Variants in OFD1 observed in about 807,000 individuals in gnomAD.
OFD1 encodes the protein centriole and centriolar satellite protein OFD1.
OFD1 carries 12 observed loss-of-function variants against 81.4 expected under a neutral mutation model. That is an observed-to-expected ratio of 0.15 (90% confidence interval 0.09 to 0.24). The LOEUF (loss-of-function observed/expected upper bound fraction) is 0.24, where lower values mean the gene tolerates loss of function less well. Among genes scored for constraint, OFD1 ranks in the 10% least tolerant of loss-of-function variants. The pLI is 1.00. For missense variants in OFD1, 685 were observed against 733.9 expected, an observed-to-expected ratio of 0.93 and a Z score of 0.77; for synonymous variants, 256 against 263.7, an observed-to-expected ratio of 0.97 and a Z score of 0.28.
intron 3 of OFD1, among the ~76,000 whole-genome samples, chrX:13,737,251 TG>T (rs1376863355): frequency 1.9e-5 from 2 of 104,973 alleles, no homozygotes; most frequent in Non-Finnish European, 3.9e-5. Context: ...TAAAAACACT[TG>T]TTTTTTTTTT....
intron 18 of OFD1, 96 bp downstream of exon 18, chrX:13,762,540 T>C (rs1159516473): frequency 3.7e-6 from 2 of 539,241 alleles, no homozygotes; most frequent in Non-Finnish European, 6.4e-6. Context: ...GAAAAGCAGT[T>C]ACAAATTGGG....
Position 13,755,217 on chromosome X carries a change from C to G in OFD1, c.1196C>G (p.Ser399Cys). 2 of 1,196,400 alleles carry G rather than the reference C, an allele frequency of 1.7e-6. No individual in the cohort carries two copies. The highest frequency in any genetic ancestry group is 3.5e-5 in the South Asian group (2 of 56,663). Reference sequence around the variant, plus strand: ...TCAAAAAAGGAGGAACTCAATCAATCTGTAAATCGTGTGAAAGAACTTGAG... The same window carrying G: ...TCAAAAAAGGAGGAACTCAATCAATGTGTAAATCGTGTGAAAGAACTTGAG... ...INSKKEELNQ[S>C]VNRVKELELE... Residue 399 changes from serine to cysteine, a missense_variant, in exon 12 of 23, where the codon TCT becomes TGT. Physicochemically the swap from Ser to Cys is moderately radical, Grantham distance 112 (BLOSUM62 -1). Coordinates refer to ENST00000340096, the MANE Select transcript of OFD1 (RefSeq NM_003611.3).
intron 19 of OFD1, among the ~76,000 whole-genome samples, chrX:13,764,440 TC>T: frequency 9.0e-6 from 1 of 111,621 alleles, no homozygotes; most frequent in Non-Finnish European, 1.9e-5. Flanking sequence ...CTGGCCCACT[TC>T]CTCTTTTTCC....
chrX:13,755,946 C>CTTTTT lies in OFD1; in HGVS notation c.1222-614_1222-610dup, dbSNP rs34300430. On this transcript the variant is annotated intron_variant, in intron 12 of 22. Transcript: ENST00000340096. ...ACAGAATCTTTTTTCCTTTCTTTCC[C>CTTTTT]TTTTTTTTTTTTTTTTTTTTTTGAG... Among the ~76,000 whole-genome samples the CTTTTT allele has an allele frequency of 2.7e-3, 174 of 65,037 alleles. 3 individuals carry two copies. The highest frequency in any genetic ancestry group is 3.5e-3 in the Non-Finnish European group (131 of 37,895). 56.5% of individuals were successfully genotyped at this position (65,037 alleles called of 115,157 possible).
Position 13,749,627 on chromosome X carries a change from G to T in OFD1, c.935+94G>T, listed in dbSNP as rs1463039199. Reference sequence around the variant, plus strand: ...TAAATATTCTAATGTTCATTGCCAAGTAGAGTTCTTATTTGTAAAGGGGAT... The same window carrying T: ...TAAATATTCTAATGTTCATTGCCAATTAGAGTTCTTATTTGTAAAGGGGAT... On this transcript the variant is annotated intron_variant, in intron 9 of 22. Transcript: ENST00000340096. The T allele has an allele frequency of 5.2e-6, 3 of 573,244 alleles. No individual in the cohort carries two copies. In the Admixed American group the frequency reaches 8.0e-5, roughly 15 times the overall value. 47.2% of individuals were successfully genotyped at this position (573,244 alleles called of 1,213,427 possible).
chrX:13,739,748 C>CAA (rs538747990), intron 5 of OFD1: 220 of 540,122 alleles, frequency 4.1e-4, no homozygotes, highest in Middle Eastern at 1.1e-3. Context: ...AACTCCGTCT[C>CAA]AAAAAAAAAA....
chrX:13,768,819 A>C lies in OFD1; in HGVS notation c.2996+34A>C, dbSNP rs373123585. 1,954 of 1,088,204 alleles carry C rather than the reference A, an allele frequency of 1.8e-3. 3 individuals carry two copies. Among genetic ancestry groups the C allele is most frequent in the Non-Finnish European group, 1.6e-3 (1,272 of 784,213 alleles). The allele number at this position is 1,088,204 out of a possible 1,213,427, so 89.7% of individuals were successfully genotyped here. On this transcript the variant is annotated intron_variant, in intron 22 of 22. Coordinates refer to ENST00000340096, the MANE Select transcript of OFD1 (RefSeq NM_003611.3). ...TTTCCCTACACACTTTCATACACAA[A>C]CTGTTAATTGCTTATTTTGTCAGCC... is the stretch of plus-strand genomic sequence containing the variant.
At chrX:13,715,973 C>T in the OFD1 span, 12 of 1,160,525 alleles carry the variant, frequency 1.0e-5, no homozygotes, top group Non-Finnish European at 1.4e-5. Flanking sequence ...CCTTTCTCAT[C>T]AGAATTTAAA....
At chrX:13,714,890 G>T in the OFD1 span, among the ~76,000 whole-genome samples, 7 of 112,237 alleles carry the variant, frequency 6.2e-5, no homozygotes, top group African/African-American at 2.3e-4. Context: ...AGCTATTCTT[G>T]TGTGGTAATC....
chrX:13,714,580 G>T, the OFD1 span: 1 of 603,047 alleles, frequency 1.7e-6, no homozygotes, highest in Non-Finnish European at 2.5e-6. Flanking sequence ...TCATTTTAAA[G>T]TTTTAAATTA....
the OFD1 span, among the ~76,000 whole-genome samples, chrX:13,729,391 C>T: frequency 1.8e-5 from 2 of 111,555 alleles, no homozygotes; most frequent in Non-Finnish European, 3.8e-5. Context: ...GTACTGGTAC[C>T]GAAACAGATA....
the OFD1 span, chrX:13,716,809 T>C: frequency 3.1e-6 from 2 of 650,258 alleles, no homozygotes; most frequent in Non-Finnish European, 4.7e-6. Flanking sequence ...ACTTTGTTAT[T>C]GTCATGAGAC....
At chrX:13,721,510 ACAGT>A in the OFD1 span, 1 of 112,213 alleles carries the variant, frequency 8.9e-6, no homozygotes, top group Non-Finnish European at 1.9e-5. Flanking sequence ...ACCGGGAGTT[ACAGT>A]CAGTCTCCTA....
chrX:13,759,101 G>A (rs766674900), intron 15 of OFD1, among the ~76,000 whole-genome samples: 2 of 111,554 alleles, frequency 1.8e-5, no homozygotes, highest in East Asian at 2.8e-4. Flanking sequence ...TTCCTACTTC[G>A]TAAGAAGGAT....
At position 13,751,287 on chromosome X, in the gene OFD1, C is replaced by A; in HGVS notation, c.974C>A (p.Thr325Asn). Residue 325 changes from threonine to asparagine, a missense_variant, in exon 10 of 23, where the codon ACT becomes AAT. This residue lies in a region of OFD1 where 414 missense variants were observed against 447.2 expected (regional missense o/e 0.93). Coordinates refer to ENST00000340096, the MANE Select transcript of OFD1 (RefSeq NM_003611.3). The part of the protein sequence containing the change: ...KLQEEKHKSI[T>N]EALRRQEQNI... ...CAGGAAGAAAAACATAAAAGCATAA[C>A]TGAGGCACTTAGGAGACAGGAGCAG... The A allele has an allele frequency of 8.3e-7, 1 of 1,205,948 alleles. No homozygotes were observed. Among genetic ancestry groups the A allele is most frequent in the South Asian group, 1.8e-5 (1 of 56,746 alleles).
intron 8 of OFD1, 75 bp downstream of exon 8, chrX:13,747,028 G>T: frequency 3.2e-6 from 3 of 941,520 alleles, no homozygotes; most frequent in Non-Finnish European, 4.6e-6. Flanking sequence ...CCAGCAACAG[G>T]ATGGTACAGT....
At chrX:13,771,800 T>G (rs1052091755), downstream of OFD1, 29 of 112,334 alleles carry the variant, frequency 2.6e-4, no homozygotes, top group African/African-American at 8.8e-4. Flanking sequence ...AACATCAAAC[T>G]TTATTATTCC....
intron 16 of OFD1, 139 bp downstream of exon 16, chrX:13,760,859 A>ATAGT (rs1475737279): frequency 4.0e-5 from 35 of 879,668 alleles, no homozygotes; most frequent in Non-Finnish European, 5.7e-5. Flanking sequence ...TTAGAGAGTG[A>ATAGT]TAGTTGCCTT....
chrX:13,734,734 C>T (rs1184660669), upstream of OFD1: 16 of 1,020,927 alleles, frequency 1.6e-5, no homozygotes, highest in Non-Finnish European at 2.0e-5. Flanking sequence ...TAGCAGGTTT[C>T]CGGAAGTTGC....
Sources: allele counts gnomAD v4.1 joint callset (sites outside exome capture counted in the v4.1 genomes callset), GRCh38; gene constraint gnomAD v4.1.1; regional missense constraint gnomAD v4.1.1; transcripts MANE v1.5; gene names NCBI Gene and HGNC (gene_info 2026-07-23, HGNC 2026-07-21).